Variants in ZBTB2 observed in about 807,000 individuals in gnomAD.
The protein encoded by ZBTB2 is zinc finger and BTB domain containing 2.
Under a neutral mutation model 39.5 loss-of-function variants are expected in ZBTB2, and 2 were observed. The observed-to-expected ratio is 0.05, with a 90% CI of 0.02 to 0.16. The LOEUF is 0.16. ZBTB2 is among the 10% of genes least tolerant of loss of function. The probability of loss-of-function intolerance (pLI) is 1.00; values close to 1 mark genes in which losing one functional copy is unlikely to be tolerated. For synonymous variants in ZBTB2, 251 were observed against 256.6 expected (o/e 0.98, Z 0.21); for missense variants, 391 against 653.0 (o/e 0.60, Z 4.37).
At chr6:151,373,247 G>C (rs775762755) in intron 2 of ZBTB2, among the ~76,000 whole-genome samples, 1 of 151,280 alleles carries the variant, frequency 6.6e-6, no homozygotes, top group African/African-American at 2.4e-5. Context: ...AGGGCATCTG[G>C]AGGTGGAAGG....
intron 1 of ZBTB2, among the ~76,000 whole-genome samples, chr6:151,381,042 C>T (rs545034221): frequency 2.6e-5 from 4 of 152,270 alleles, no homozygotes; most frequent in Admixed American, 2.6e-4. Context: ...ATCCTCAGGG[C>T]TCCATTCTCT....
At position 151,365,363 on chromosome 6, in the gene ZBTB2, C is replaced by T; in HGVS notation, c.*158G>A. 1.3e-6 allele frequency: 1 copy of T among 787,818 alleles called. No individual in the cohort carries two copies. Among genetic ancestry groups the T allele is most frequent in the Non-Finnish European group, 2.0e-6 (1 of 502,850 alleles). 48.8% of individuals were successfully genotyped at this position (787,818 alleles called of 1,614,324 possible). On this transcript the variant is annotated 3_prime_UTR_variant, in exon 3 of 3. Coordinates refer to ENST00000325144, the MANE Select transcript of ZBTB2 (RefSeq NM_020861.3). The surrounding 1 kb of genome is among the most constrained non-coding windows in gnomAD (Gnocchi z 5.6). ...ATTCCAGGTTTATAATGCACAAAGC[C>T]TTTACAGAGGTGGGGCTGGGATGTG...
chr6:151,389,247 T>A (rs1582926601), intron 1 of ZBTB2, among the ~76,000 whole-genome samples: 2 of 151,992 alleles, frequency 1.3e-5, no homozygotes, highest in African/African-American at 4.8e-5. Context: ...CATAGCGAGA[T>A]CCCTGCCTCT....
chr6:151,369,510 G>C (rs1259376118), intron 2 of ZBTB2, among the ~76,000 whole-genome samples: 1 of 152,066 alleles, frequency 6.6e-6, no homozygotes, highest in Non-Finnish European at 1.5e-5. Context: ...TATAGAGACA[G>C]GGCCTCACCA....
At chr6:151,387,719 C>G (rs1779191561) in intron 1 of ZBTB2, among the ~76,000 whole-genome samples, 1 of 152,202 alleles carries the variant, frequency 6.6e-6, no homozygotes, top group Admixed American at 6.5e-5. Flanking sequence ...AAATTCCTAT[C>G]TTTGAATACT....
chr6:151,384,631 G>C (rs922719681), intron 1 of ZBTB2, among the ~76,000 whole-genome samples: 9 of 152,052 alleles, frequency 5.9e-5, no homozygotes, highest in Non-Finnish European at 1.2e-4. Flanking sequence ...CCTCCAACAG[G>C]AGGGAACACA....
rs114520930 is a variant in ZBTB2 at position 151,384,379 on chromosome 6, C to T, written c.-13+7041G>A. Among the ~76,000 whole-genome samples the T allele has an allele frequency of 4.2e-3, 642 of 152,094 alleles. 6 individuals are homozygous for T. Among genetic ancestry groups the T allele is most frequent in the African/African-American group, 0.015 (619 of 41,478 alleles). On this transcript the variant is annotated intron_variant, in intron 1 of 2. Coordinates refer to ENST00000325144, the MANE Select transcript of ZBTB2 (RefSeq NM_020861.3). ...AAGCTGGGGAGGAGGGGGTAACAAGCGGGCAAGTGAAGACCTGCTGGAAAG... is the reference window on the plus strand; with the variant it reads ...AAGCTGGGGAGGAGGGGGTAACAAGTGGGCAAGTGAAGACCTGCTGGAAAG...
chr6:151,390,838 A>G (rs1324690457), intron 1 of ZBTB2, among the ~76,000 whole-genome samples: 2 of 141,294 alleles, frequency 1.4e-5, no homozygotes, highest in South Asian at 2.5e-4. Flanking sequence ...CAGCGGCGGC[A>G]GCAGCAGGAG....
intron 2 of ZBTB2, chr6:151,369,957 C>T: frequency 4.1e-6 from 1 of 246,388 alleles, no homozygotes; most frequent in Non-Finnish European, 6.5e-6. Flanking sequence ...TTTCAAAGTT[C>T]CTTAATGTAC....
chr6:151,381,459 T>C (rs1779033371), intron 1 of ZBTB2, among the ~76,000 whole-genome samples: 1 of 151,948 alleles, frequency 6.6e-6, no homozygotes, highest in Non-Finnish European at 1.5e-5. Flanking sequence ...AAGTGGAGGT[T>C]GCAGTGAGCC....
chr6:151,377,287 T>C (rs1443090180), intron 1 of ZBTB2, among the ~76,000 whole-genome samples: 1 of 152,004 alleles, frequency 6.6e-6, no homozygotes, highest in Non-Finnish European at 1.5e-5. Flanking sequence ...ATGTTTCCAT[T>C]AGGGGAAACT....
chr6:151,380,163 A>G (rs1335932870), intron 1 of ZBTB2, among the ~76,000 whole-genome samples: 2 of 152,216 alleles, frequency 1.3e-5, no homozygotes, highest in African/African-American at 4.8e-5. Context: ...GAAAAAGCAG[A>G]AAAACAGAAC....
At chr6:151,374,536 G>T (rs1482899965) in intron 1 of ZBTB2, among the ~76,000 whole-genome samples, 2 of 152,004 alleles carry the variant, frequency 1.3e-5, no homozygotes, top group East Asian at 1.9e-4. Context: ...TTTCCACAAA[G>T]AGCATTTATA....
chr6:151,370,606 T>C (rs1398669612), intron 2 of ZBTB2, among the ~76,000 whole-genome samples: 1 of 152,234 alleles, frequency 6.6e-6, no homozygotes, highest in Non-Finnish European at 1.5e-5. Flanking sequence ...GTCTGTGATT[T>C]AAACATACCA....
intron 1 of ZBTB2, among the ~76,000 whole-genome samples, chr6:151,375,188 A>G (rs1259088489): frequency 6.6e-6 from 1 of 152,134 alleles, no homozygotes; most frequent in African/African-American, 2.4e-5. Context: ...CAAGTCATAA[A>G]CATACAAAAA....
At chr6:151,367,018 G>A in intron 2 of ZBTB2, 126 bp from the exon 3 acceptor site, 1 of 1,027,060 alleles carries the variant, frequency 9.7e-7, no homozygotes, top group Non-Finnish European at 1.4e-6. Flanking sequence ...TTTTTAGTAA[G>A]TTTCATGAAA....
intron 2 of ZBTB2, among the ~76,000 whole-genome samples, chr6:151,367,593 C>T (rs1045267354): frequency 6.6e-6 from 1 of 152,154 alleles, no homozygotes; most frequent in African/African-American, 2.4e-5. Context: ...GGTTAATAAC[C>T]TGCTCAATAT....
chr6:151,386,315 C>A (rs528874950), intron 1 of ZBTB2, among the ~76,000 whole-genome samples: 8 of 152,162 alleles, frequency 5.3e-5, no homozygotes, highest in Non-Finnish European at 1.2e-4. Flanking sequence ...GAGGCCAAGG[C>A]GGGCAGATCA....
chr6:151,372,531 G>A (rs925920625), intron 2 of ZBTB2, among the ~76,000 whole-genome samples: 3 of 152,026 alleles, frequency 2.0e-5, no homozygotes, highest in African/African-American at 4.8e-5. Context: ...AAAAAGAACA[G>A]AATAAAAATA....
Sources: gnomAD v4.1 joint callset for allele counts (sites outside exome capture counted in the v4.1 genomes callset) on GRCh38, gnomAD v4.1.1 for gene constraint, Gnocchi (gnomAD v3.1) non-coding constraint, MANE v1.5 for transcripts, NCBI Gene and HGNC (gene_info 2026-07-23, HGNC 2026-07-21) for gene names.